Variants in STS observed in about 807,000 individuals in gnomAD.
The protein encoded by STS is steryl-sulfatase.
A neutral mutation model predicts 26.8 loss-of-function variants in STS; 7 were observed. That is an observed-to-expected ratio of 0.26 (90% CI 0.15 to 0.49). STS has a LOEUF of 0.49. Ranked by LOEUF, STS falls within the 20% of genes least tolerant of loss-of-function variation. The pLI is 0.98. For missense variants in STS, 434 were observed against 465.6 expected (o/e 0.93, Z 0.63); for synonymous variants, 199 against 189.4 (o/e 1.05, Z -0.42).
intron 1 of STS, among the ~76,000 whole-genome samples, chrX:7,163,950 C>T (rs981488232): frequency 1.8e-5 from 2 of 112,032 alleles, no homozygotes; most frequent in Admixed American, 1.9e-4. Flanking sequence ...TCCCCAGTAT[C>T]TGGGACTACA....
At chrX:7,259,868 G>A in intron 6 of STS, 96 bp downstream of exon 6, 1 of 1,072,103 alleles carries the variant, frequency 9.3e-7, no homozygotes, top group Non-Finnish European at 1.3e-6. Flanking sequence ...TGTTGTTGTT[G>A]TTGTTTGTGG....
intron 2 of STS, among the ~76,000 whole-genome samples, chrX:7,246,553 G>A (rs1239181720): frequency 6.3e-5 from 7 of 110,902 alleles, no homozygotes; most frequent in Admixed American, 4.8e-4. Context: ...TGATCCGCCC[G>A]CCTCGGCCTC....
At chrX:7,305,005 G>C in intron 7 of STS, 41 bp from the exon 8 acceptor site, 9 of 1,205,276 alleles carry the variant, frequency 7.5e-6, no homozygotes, top group African/African-American at 1.7e-5. Context: ...TTTGCTTTAT[G>C]AATATGCATT....
rs748041421 is a variant in STS, at chrX:7,275,929, CTTTT to C, written c.807-8_807-5del. ...TTATCTGTGGTCTTTTTTTTCCTCC[CTTTT>C]TTTTTTTTTTTTTGCAGGAACACTG... On this transcript the variant is annotated intron_variant, in intron 6 of 10. Coordinates refer to ENST00000674429, the MANE Select transcript of STS (RefSeq NM_001320752.2). 3.8e-4 allele frequency: 403 copies of C among 1,066,420 alleles called. No individual in the cohort carries two copies. The highest frequency in any genetic ancestry group is 6.6e-4 in the East Asian group (19 of 28,874). The allele number at this position is 1,066,420 out of a possible 1,213,427, so 87.9% of individuals were successfully genotyped here. A position where few individuals can be genotyped will look rare whatever the true frequency, so the allele number is the denominator to read the frequency against.
intron 2 of STS, among the ~76,000 whole-genome samples, chrX:7,235,957 T>C (rs766204165): frequency 1.8e-5 from 2 of 112,064 alleles, no homozygotes; most frequent in Non-Finnish European, 1.9e-5. Flanking sequence ...TCACTTTGTT[T>C]TTAACAAGAA....
rs779630222 is a variant in STS at position 7,246,375 on chromosome X, C to T, written c.-4-6821C>T. Among the ~76,000 whole-genome samples, 4 of 109,649 alleles carry T rather than the reference C, an allele frequency of 3.6e-5. No homozygotes were observed. In the Admixed American group the frequency reaches 3.9e-4, roughly 11 times the overall value. Reference sequence around the variant, plus strand: ...GGAGTGCAGTGGCGCGATCTCGGCTCACTGCAAGCTCTGCCTCCCAGGTTC... The same window carrying T: ...GGAGTGCAGTGGCGCGATCTCGGCTTACTGCAAGCTCTGCCTCCCAGGTTC... On this transcript the variant is annotated intron_variant, in intron 2 of 10. Coordinates refer to ENST00000674429, the MANE Select transcript of STS (RefSeq NM_001320752.2).
intron 1 of STS, among the ~76,000 whole-genome samples, chrX:7,155,108 A>G (rs950909465): frequency 1.8e-5 from 2 of 111,816 alleles, no homozygotes; most frequent in African/African-American, 3.3e-5. Flanking sequence ...TGCCTCCTCA[A>G]TTCACAGCCA....
At chrX:7,338,413 A>G (rs1335139063) in intron 10 of STS, among the ~76,000 whole-genome samples, 1 of 112,499 alleles carries the variant, frequency 8.9e-6, no homozygotes, top group East Asian at 2.8e-4. Flanking sequence ...AATGCAATAT[A>G]GTACATAGTT....
chrX:7,283,653 A>G (rs910065229), intron 7 of STS, among the ~76,000 whole-genome samples: 2 of 110,436 alleles, frequency 1.8e-5, no homozygotes, highest in South Asian at 3.9e-4. Flanking sequence ...AGAAAGTAGG[A>G]TCACCAAACT....
intron 2 of STS, among the ~76,000 whole-genome samples, chrX:7,250,701 A>G (rs1923098550): frequency 8.9e-6 from 1 of 112,660 alleles, no homozygotes; most frequent in Admixed American, 9.4e-5. Flanking sequence ...CTGTTTGAAC[A>G]TGTTAAATTC....
chrX:7,266,050 A>G (rs1300937429), intron 6 of STS, among the ~76,000 whole-genome samples: 5 of 112,181 alleles, frequency 4.5e-5, no homozygotes, highest in African/African-American at 1.6e-4. Context: ...ATGGAGGTAG[A>G]GTTATTCAGC....
At chrX:7,285,199 A>G (rs1373400380) in intron 7 of STS, among the ~76,000 whole-genome samples, 1 of 111,321 alleles carries the variant, frequency 9.0e-6, no homozygotes, top group Non-Finnish European at 1.9e-5. Context: ...AGTCATGGAG[A>G]TGGCATATGA....
chrX:7,275,203 A>C (rs1261070234), intron 6 of STS, among the ~76,000 whole-genome samples: 1 of 111,435 alleles, frequency 9.0e-6, no homozygotes, highest in Admixed American at 9.6e-5. Flanking sequence ...GTTAGACAGG[A>C]GGAATAGTTT....
chrX:7,200,954 G>GGA (rs1934058979), intron 2 of STS, among the ~76,000 whole-genome samples: 1 of 107,422 alleles, frequency 9.3e-6, no homozygotes, highest in Non-Finnish European at 1.9e-5. Context: ...GGTTAGATGG[G>GGA]TGGATGGATG....
At chrX:7,272,373 G>A (rs765452038) in intron 6 of STS, among the ~76,000 whole-genome samples, 6 of 110,003 alleles carry the variant, frequency 5.5e-5, no homozygotes, top group Admixed American at 2.9e-4. Flanking sequence ...ACCATGTCCC[G>A]TCAAAGTAAC....
At chrX:7,160,556 G>A (rs1933220568) in intron 1 of STS, among the ~76,000 whole-genome samples, 1 of 112,176 alleles carries the variant, frequency 8.9e-6, no homozygotes, top group African/African-American at 3.2e-5. Flanking sequence ...AGCAAAGGAA[G>A]TGGTGGATTT....
intron 7 of STS, among the ~76,000 whole-genome samples, 155 bp downstream of exon 7, chrX:7,276,242 A>G (rs1448646022): frequency 9.0e-6 from 1 of 110,656 alleles, no homozygotes; most frequent in African/African-American, 3.3e-5. Flanking sequence ...TGATCCTGAA[A>G]GGTAAATAGA....
At chrX:7,319,974 A>ATATT (rs1926896268) in intron 8 of STS, among the ~76,000 whole-genome samples, 1 of 86,995 alleles carries the variant, frequency 1.1e-5, no homozygotes, top group Non-Finnish European at 2.0e-5. Flanking sequence ...TATTTTATAT[A>ATATT]TATGTATATA....
At chrX:7,235,612 A>AT (rs1177377626) in intron 2 of STS, among the ~76,000 whole-genome samples, 1 of 111,421 alleles carries the variant, frequency 9.0e-6, no homozygotes, top group Non-Finnish European at 1.9e-5. Context: ...CTTTACAAAA[A>AT]TTTTTTAAAA....
Sources: gnomAD v4.1 joint callset for allele counts (sites outside exome capture counted in the v4.1 genomes callset) on GRCh38, gnomAD v4.1.1 for gene constraint, MANE v1.5 for transcripts, NCBI Gene and HGNC (gene_info 2026-07-23, HGNC 2026-07-21) for gene names.